Variants in PDE4D observed in about 807,000 individuals in gnomAD.
The protein encoded by PDE4D is 3',5'-cyclic-AMP phosphodiesterase 4D.
A neutral mutation model predicts 87.4 loss-of-function variants in PDE4D; 24 were observed. The ratio of observed to expected loss-of-function variants is 0.27; its 90% CI spans 0.20 to 0.39. The LOEUF (loss-of-function observed/expected upper bound fraction) is 0.39, where lower values mean the gene tolerates loss of function less well. Ranked by LOEUF, PDE4D falls within the 10% of genes least tolerant of loss-of-function variation. PDE4D has a pLI of 1.00. For missense variants in PDE4D, 714 were observed against 1,041.0 expected, an observed-to-expected ratio of 0.69 and a Z score of 4.32; for synonymous variants, 384 against 383.2, an observed-to-expected ratio of 1.00 and a Z score of -0.02.
At chr5:60,320,099 GCA>G (rs1756084799) in intron 1 of PDE4D, among the ~76,000 whole-genome samples, 1 of 152,230 alleles carries the variant, frequency 6.6e-6, no homozygotes, top group Non-Finnish European at 1.5e-5. Context: ...ACAGAGGCAG[GCA>G]GGCCTCCTTG....
At chr5:59,658,638 C>T (rs988062727) in intron 1 of PDE4D, among the ~76,000 whole-genome samples, 3 of 152,128 alleles carry the variant, frequency 2.0e-5, no homozygotes, top group Non-Finnish European at 4.4e-5. Flanking sequence ...GCCTCGGCCT[C>T]CCAAAGTGCT....
intron 1 of PDE4D, among the ~76,000 whole-genome samples, chr5:60,432,778 CACTT>C (rs1230368600): frequency 6.6e-6 from 1 of 152,072 alleles, no homozygotes; most frequent in Non-Finnish European, 1.5e-5. Context: ...TAAACCCACA[CACTT>C]ACAACCATCT....
At position 59,076,083 on chromosome 5, in the gene PDE4D, A is replaced by T. The variant is rs893190106; in HGVS notation, c.809-37112T>A. On this transcript the variant is annotated intron_variant, in intron 5 of 14. Transcript: ENST00000340635. ...AGGAAGGCTAAAGAGACAAAAGAAT[A>T]CTATAGTTTCCTTAAAGTTAATGAG... Among the ~76,000 whole-genome samples, 4 of 152,314 alleles carry T rather than the reference A, an allele frequency of 2.6e-5. No individual in the cohort carries two copies. The East Asian group carries it at 7.7e-4, about 29-fold the overall frequency.
At chr5:59,991,084 T>C (rs1307043496) in intron 2 of PDE4D, among the ~76,000 whole-genome samples, 1 of 152,168 alleles carries the variant, frequency 6.6e-6, no homozygotes, top group African/African-American at 2.4e-5. Context: ...CATTTTCATT[T>C]GAAAAATTAA....
chr5:59,890,295 A>ACACC (rs1491070396), intron 1 of PDE4D, among the ~76,000 whole-genome samples: 10 of 135,848 alleles, frequency 7.4e-5, no homozygotes, highest in Non-Finnish European at 1.3e-4. Flanking sequence ...ACACACACAC[A>ACACC]CCTTTTCTTG....
intron 1 of PDE4D, chr5:59,768,659 C>A: frequency 6.6e-7 from 1 of 1,504,204 alleles, no homozygotes; most frequent in Non-Finnish European, 8.8e-7. Context: ...GAGCCTGGGG[C>A]TGGGTGCAGA....
intron 1 of PDE4D, chr5:59,529,054 TG>T (rs1390776549): frequency 2.1e-6 from 1 of 469,396 alleles, no homozygotes; most frequent in Non-Finnish European, 4.3e-6. Flanking sequence ...TCGAAGATCT[TG>T]CCTTAATTCG....
chr5:59,642,093 G>T (rs1321355354), intron 1 of PDE4D, among the ~76,000 whole-genome samples: 2 of 151,984 alleles, frequency 1.3e-5, no homozygotes, highest in African/African-American at 4.8e-5. Context: ...GAAAAAGAGT[G>T]GAAGTAAAGG....
intron 5 of PDE4D, among the ~76,000 whole-genome samples, chr5:59,080,405 G>C (rs557653258): frequency 6.6e-6 from 1 of 152,270 alleles, no homozygotes; most frequent in Non-Finnish European, 1.5e-5. Context: ...TGCTCCTAGA[G>C]TTCTTAAATC....
intron 5 of PDE4D, among the ~76,000 whole-genome samples, chr5:59,132,609 C>T (rs1478584441): frequency 6.6e-6 from 1 of 152,120 alleles, no homozygotes; most frequent in Non-Finnish European, 1.5e-5. Context: ...TTAACGAATA[C>T]ATAAAAATAA....
intron 5 of PDE4D, among the ~76,000 whole-genome samples, chr5:59,089,499 A>G (rs181559677): frequency 1.3e-5 from 2 of 152,238 alleles, no homozygotes; most frequent in Admixed American, 6.6e-5. Context: ...AAGTATTTTT[A>G]TATGTATCAA....
chr5:59,886,917 G>A (rs1269738843), intron 1 of PDE4D, among the ~76,000 whole-genome samples: 1 of 150,958 alleles, frequency 6.6e-6, no homozygotes, highest in African/African-American at 2.5e-5. Context: ...CTGGTAGCCT[G>A]GGGTGAAAAA....
At chr5:59,020,507 A>G (rs10068715) in intron 6 of PDE4D, among the ~76,000 whole-genome samples, 2 of 151,976 alleles carry the variant, frequency 1.3e-5, no homozygotes, top group Admixed American at 1.3e-4. Flanking sequence ...TGATGTCAGT[A>G]AAGACCCAAA....
chr5:59,018,869 C>T (rs1289519032), intron 6 of PDE4D, among the ~76,000 whole-genome samples: 3 of 151,876 alleles, frequency 2.0e-5, no homozygotes, highest in African/African-American at 7.3e-5. Context: ...CTGTCACTCC[C>T]GTTTCACAGA....
intron 1 of PDE4D, among the ~76,000 whole-genome samples, chr5:59,796,360 T>G (rs1766478705): frequency 6.6e-6 from 1 of 152,242 alleles, no homozygotes; most frequent in South Asian, 2.1e-4. Context: ...AGTTTAGGAC[T>G]GGAAAATAAA....
At chr5:59,136,948 G>T (rs575011955) in intron 5 of PDE4D, among the ~76,000 whole-genome samples, 14 of 152,156 alleles carry the variant, frequency 9.2e-5, no homozygotes, top group Non-Finnish European at 1.3e-4. Context: ...ATTTGTCCAA[G>T]ACTTCCCCAG....
chr5:60,142,217 G>A (rs917049044), intron 2 of PDE4D, among the ~76,000 whole-genome samples: 7 of 151,464 alleles, frequency 4.6e-5, no homozygotes, highest in African/African-American at 1.7e-4. Flanking sequence ...CGGATGGGAG[G>A]GAGAGAGGGA....
chr5:59,658,518 A>T (rs1744740094), intron 1 of PDE4D, among the ~76,000 whole-genome samples: 1 of 151,998 alleles, frequency 6.6e-6, no homozygotes, highest in South Asian at 2.1e-4. Context: ...AGTAGCTGGG[A>T]CTGCAGGCGC....
intron 6 of PDE4D, among the ~76,000 whole-genome samples, chr5:59,009,673 C>T (rs570227824): frequency 1.1e-4 from 16 of 151,924 alleles, no homozygotes; most frequent in Non-Finnish European, 2.4e-4. Flanking sequence ...ATTATAATTA[C>T]ACATTACCTA....
Sources: gnomAD v4.1 joint callset for allele counts (sites outside exome capture counted in the v4.1 genomes callset) on GRCh38, gnomAD v4.1.1 for gene constraint, MANE v1.5 for transcripts, NCBI Gene and HGNC (gene_info 2026-07-23, HGNC 2026-07-21) for gene names.